The following GCNA variants were observed in gnomAD, a reference collection of about 807,000 sequenced individuals.
GCNA encodes the protein germ cell nuclear acidic protein.
A neutral mutation model predicts 38.8 loss-of-function variants in GCNA; 3 were observed. The observed-to-expected ratio is 0.08, with a 90% CI of 0.04 to 0.20. The LOEUF (loss-of-function observed/expected upper bound fraction) is 0.20. GCNA is among the 10% of genes least tolerant of loss of function. GCNA has a pLI of 1.00. For missense variants in GCNA, 446 were observed against 578.6 expected (o/e 0.77, Z 2.35); for synonymous variants, 195 against 240.2 (o/e 0.81, Z 1.74).
In GCNA at chrX:71,612,344, C is replaced by A; in HGVS notation, c.1751-11C>A. 2 of 790,306 alleles carry A rather than the reference C, an allele frequency of 2.5e-6. No homozygotes were observed. Among genetic ancestry groups the A allele is most frequent in the Non-Finnish European group, 3.5e-6 (2 of 571,410 alleles). 65.1% of individuals were successfully genotyped at this position (790,306 alleles called of 1,213,427 possible). A position where few individuals can be genotyped will look rare whatever the true frequency, so the allele number is the denominator to read the frequency against. On this transcript the variant is annotated splice_polypyrimidine_tract_variant and intron_variant, in intron 11 of 12. Transcript: ENST00000373696. Reference sequence around the variant, plus strand: ...TTTAGTGCTCACATTTCTTTTCATTCTTCTTTCAAGACCGAATCCGGGATA... The same window carrying A: ...TTTAGTGCTCACATTTCTTTTCATTATTCTTTCAAGACCGAATCCGGGATA...
chrX:71,603,604 T>C lies in GCNA; in HGVS notation c.327T>C (p.Cys109=), dbSNP rs1330083916. ...GAATTTCAGATGAGAGTCCGGAGTG[T>C]TGTCATGTGAAGCCTGCCATCCAGG... ...EINSDDESPE[C]CHVKPAIQEP... is the part of the protein sequence containing the mutation. The change falls in exon 8 of 13, where the codon TGT becomes TGC. Residue 109 remains cysteine, a synonymous_variant. Coordinates refer to ENST00000373696, the MANE Select transcript of GCNA (RefSeq NM_052957.5). 4.1e-6 allele frequency: 5 copies of C among 1,210,256 alleles called. No individual in the cohort carries two copies. The highest frequency in any genetic ancestry group is 5.6e-6 in the Non-Finnish European group (5 of 894,280).
At chrX:71,607,873 G>A (rs2040779625) in intron 9 of GCNA, among the ~76,000 whole-genome samples, 1 of 112,955 alleles carries the variant, frequency 8.9e-6, no homozygotes, top group Non-Finnish European at 1.9e-5. Flanking sequence ...AAAATAGATT[G>A]TACCAAGGCA....
Position 71,604,314 on chromosome X carries a change from A to C in GCNA, c.1037A>C (p.Gln346Pro), listed in dbSNP as rs1203060314. 1 of 1,212,303 alleles carries C rather than the reference A, an allele frequency of 8.2e-7. No individual in the cohort carries two copies. Among genetic ancestry groups the C allele is most frequent in the East Asian group, 3.0e-5 (1 of 33,868 alleles). Reference sequence around the variant, plus strand: ...GCAGAAGATTTGTGTAATGAAGGCCAAATTGCTTCAGATGAAGAAGAGCTG... The same window carrying C: ...GCAGAAGATTTGTGTAATGAAGGCCCAATTGCTTCAGATGAAGAAGAGCTG... ...VPAEDLCNEGQIASDEEELVE... is the reference protein window; with the variant it reads ...VPAEDLCNEGPIASDEEELVE... The change falls in exon 8 of 13, where the codon CAA (glutamine) becomes CCA (proline). Residue 346 changes from glutamine to proline, a missense_variant. By Grantham distance (76) the Gln-to-Pro change is moderately conservative (BLOSUM62 -1). Transcript: ENST00000373696.
intron 9 of GCNA, among the ~76,000 whole-genome samples, chrX:71,606,255 C>T (rs1045938091): frequency 3.6e-5 from 4 of 112,097 alleles, no homozygotes; most frequent in Admixed American, 2.8e-4. Flanking sequence ...AACCCAGTTA[C>T]TCTTACTACT....
chrX:71,603,847 C>G lies in GCNA; in HGVS notation c.570C>G (p.Asp190Glu), dbSNP rs1437621461. The G allele has an allele frequency of 8.3e-7, 1 of 1,206,070 alleles. No homozygotes were observed. The highest frequency in any genetic ancestry group is 1.1e-6 in the Non-Finnish European group (1 of 893,845). Residue 190 changes from aspartate (D) to glutamate (E), a missense_variant, in exon 8 of 13, where the codon GAC (aspartate) becomes GAG (glutamate). Asp to Glu is a conservative substitution (Grantham distance 45). Around this residue, in one of 7 missense-constraint regions of GCNA, gnomAD observed 118 missense variants for 122.8 expected, o/e 0.96. Coordinates refer to ENST00000373696, the MANE Select transcript of GCNA (RefSeq NM_052957.5). Reference sequence around the variant, plus strand: ...ATAGTGATGATTCGGATGTTCCCGACGACAACAGTGATGATTCATCCGACG... The same window carrying G: ...ATAGTGATGATTCGGATGTTCCCGAGGACAACAGTGATGATTCATCCGACG... ...DDNSDDSDVP[D>E]DNSDDSSDDN...
chrX:71,603,542 G>A, intron 7 of GCNA, 46 bp from the exon 8 acceptor site: 1 of 1,176,125 alleles, frequency 8.5e-7, no homozygotes, highest in Non-Finnish European at 1.1e-6. Context: ...TAAAGGAGGT[G>A]GTAGAGGGAG....
chrX:71,593,889 C>T lies in GCNA; in HGVS notation c.141-442C>T, dbSNP rs936606886. ...TTTTAGAGACAGGGTCTTGCTGTGT[C>T]GCCCACACTGCAGTGCAGTGGCACC... On this transcript the variant is annotated intron_variant, in intron 4 of 12. Coordinates refer to ENST00000373696, the MANE Select transcript of GCNA (RefSeq NM_052957.5). Among the ~76,000 whole-genome samples the T allele has an allele frequency of 5.6e-5, 6 of 107,754 alleles. 1 individual carries two copies. The highest frequency in any genetic ancestry group is 9.6e-5 in the Non-Finnish European group (5 of 52,153). The allele number at this position is 107,754 out of a possible 115,157, so 93.6% of individuals were successfully genotyped here.
chrX:71,583,685 T>C (rs2147708526), intron 2 of GCNA, among the ~76,000 whole-genome samples: 1 of 105,843 alleles, frequency 9.4e-6, no homozygotes, highest in South Asian at 4.4e-4. Flanking sequence ...GGACATACTA[T>C]TATATTCTTT....
chrX:71,580,847 C>G lies in GCNA; in HGVS notation c.26C>G (p.Pro9Arg). Reference protein sequence around the residue: MDGCKKELPRLQEPEEDED... With the variant: MDGCKKELRRLQEPEEDED... The stretch of plus-strand genomic sequence containing the variant: ...ATGGATGGGTGCAAAAAAGAGCTGC[C>G]CCGCTTGCAAGAGCCGGAGGAGGAC... Residue 9 changes from proline (P) to arginine (R), a missense_variant, in exon 2 of 13, where the codon CCC (proline) becomes CGC (arginine). Coordinates refer to ENST00000373696, the MANE Select transcript of GCNA (RefSeq NM_052957.5). 8.3e-7 allele frequency: 1 copy of G among 1,202,597 alleles called. No homozygotes were observed. The highest frequency in any genetic ancestry group is 1.1e-6 in the Non-Finnish European group (1 of 890,624).
At chrX:71,608,515 G>A (rs781314885) in intron 9 of GCNA, among the ~76,000 whole-genome samples, 5 of 112,182 alleles carry the variant, frequency 4.5e-5, no homozygotes, top group Non-Finnish European at 9.4e-5. Flanking sequence ...CTCGTGATCC[G>A]CCTGCCTCGG....
intron 7 of GCNA, among the ~76,000 whole-genome samples, chrX:71,600,888 A>G (rs756808940): frequency 8.0e-5 from 9 of 111,932 alleles, no homozygotes; most frequent in Non-Finnish European, 1.5e-4. Context: ...ACTTACAGTC[A>G]TCCTGTTGCG....
chrX:71,606,581 A>AT (rs1193449687), intron 9 of GCNA, among the ~76,000 whole-genome samples: 1 of 111,841 alleles, frequency 8.9e-6, no homozygotes, highest in African/African-American at 3.3e-5. Context: ...ACTATATGTT[A>AT]TTTTTTAACG....
intron 10 of GCNA, 55 bp downstream of exon 10, chrX:71,609,172 G>A (rs2040791834): frequency 9.1e-7 from 1 of 1,099,480 alleles, no homozygotes; most frequent in South Asian, 2.0e-5. Context: ...AGTACTCTTG[G>A]TGCTGTGAGG....
At chrX:71,610,566 T>C in intron 10 of GCNA, 115 bp from the exon 11 acceptor site, 1 of 955,069 alleles carries the variant, frequency 1.0e-6, no homozygotes, top group South Asian at 2.5e-5. Context: ...TGGGCTGAGT[T>C]TGCACCATTG....
intron 2 of GCNA, among the ~76,000 whole-genome samples, chrX:71,590,935 G>A (rs1047232739): frequency 5.4e-5 from 6 of 111,186 alleles, no homozygotes; most frequent in South Asian, 3.8e-4. Flanking sequence ...CAACTGCCTC[G>A]GCCTCCCAAA....
chrX:71,611,353 C>A (rs2040808902), intron 11 of GCNA, among the ~76,000 whole-genome samples: 1 of 111,855 alleles, frequency 8.9e-6, no homozygotes. Context: ...CCCAGACAGG[C>A]TCTCTTCACA....
In GCNA at chrX:71,603,622, C is replaced by A; in HGVS notation, c.345C>A (p.Ala115=). 8.3e-7 allele frequency: 1 copy of A among 1,211,054 alleles called. No individual in the cohort carries two copies. The highest frequency in any genetic ancestry group is 1.1e-6 in the Non-Finnish European group (1 of 895,034). The change falls in exon 8 of 13, where the codon GCC becomes GCA. Residue 115 remains alanine (A), a synonymous_variant. Coordinates refer to ENST00000373696, the MANE Select transcript of GCNA (RefSeq NM_052957.5). ...CGGAGTGTTGTCATGTGAAGCCTGC[C>A]ATCCAGGAACCTCCAATAGTTATTA... ...ESPECCHVKP[A]IQEPPIVISD...
In GCNA at chrX:71,610,738, T is replaced by TGCA; in HGVS notation, c.1673_1675dup (p.Ser558dup). ...CAAGATGGTGAAAACTGCTGGCTTA[T>TGCA]GCAGCACTGGTGAGATGTGGTACCC... On this transcript the variant is annotated inframe_insertion, in exon 11 of 13. Transcript: ENST00000373696. The TGCA allele has an allele frequency of 8.2e-7, 1 of 1,212,603 alleles. No individual in the cohort carries two copies. The highest frequency in any genetic ancestry group is 1.1e-6 in the Non-Finnish European group (1 of 895,621).
At chrX:71,612,742 G>T in intron 12 of GCNA, 120 bp from the exon 13 acceptor site, 1 of 1,068,023 alleles carries the variant, frequency 9.4e-7, no homozygotes, top group Non-Finnish European at 1.3e-6. Context: ...GCCGCTTGGT[G>T]CCCGGGTCTC....
Sources: gnomAD v4.1 joint callset for allele counts (sites outside exome capture counted in the v4.1 genomes callset) on GRCh38, gnomAD v4.1.1 for gene constraint, gnomAD v4.1.1 regional missense constraint, MANE v1.5 for transcripts, NCBI Gene and HGNC (gene_info 2026-07-23, HGNC 2026-07-21) for gene names.